GUCY1A2: variants seen among roughly 807,000 people sequenced by gnomAD.
The protein encoded by GUCY1A2 is guanylate cyclase soluble subunit alpha-2.
In GUCY1A2, 27 loss-of-function variants were observed where a neutral mutation model predicts 63.5. The ratio of observed to expected loss-of-function variants is 0.43; its 90% CI spans 0.31 to 0.59. The LOEUF is 0.59. Among genes scored for constraint, GUCY1A2 ranks in the 20% least tolerant of loss-of-function variants. The pLI, the probability that GUCY1A2 is intolerant of heterozygous loss-of-function variation, is 0.11. For synonymous variants in GUCY1A2, 364 were observed against 343.5 expected (o/e 1.06, Z -0.66); for missense variants, 768 against 913.3 (o/e 0.84, Z 2.05).
Position 106,933,490 on chromosome 11 carries a change from G to T in GUCY1A2, c.1206+5970C>A, listed in dbSNP as rs1007738814. ...GGAGAAAAGGGAACACTTATACGTT[G>T]TTGGTGGGACTATAAATTAGTTCAG... On this transcript the variant is annotated intron_variant, in intron 4 of 7. Transcript: ENST00000526355. 2.0e-5 allele frequency among the ~76,000 whole-genome samples: 3 copies of T among 152,298 alleles called. No homozygotes were observed. The South Asian group carries it at 6.2e-4, about 32-fold the overall frequency.
At position 106,676,660 on chromosome 11, in the gene GUCY1A2, T is replaced by C. The variant is rs1565253692; in HGVS notation, c.*10889A>G. On this transcript the variant is annotated 3_prime_UTR_variant, in exon 8 of 8. Coordinates refer to ENST00000526355, the MANE Select transcript of GUCY1A2 (RefSeq NM_000855.3). ...AGACAGTGCATCAGTTATCTCTAGA[T>C]AAAGAGCCAGTAAAATCAAGTTGCA... 1 of 191,400 alleles carries C rather than the reference T, an allele frequency of 5.2e-6. No individual in the cohort carries two copies. The highest frequency in any genetic ancestry group is 2.3e-5 in the African/African-American group (1 of 43,016). The allele number at this position is 191,400 out of a possible 1,614,324, so 11.9% of individuals were successfully genotyped here.
In GUCY1A2 at chr11:106,683,232, T is replaced by C. The variant is rs1470659738; in HGVS notation, c.*4317A>G. ...TATAGAAGCCTCTGAAATGACATAA[T>C]TTTTGTAGCTGAAGGTCTATAATCT... On this transcript the variant is annotated 3_prime_UTR_variant, in exon 8 of 8. Transcript: ENST00000526355. 1 of 216,430 alleles carries C rather than the reference T, an allele frequency of 4.6e-6. No individual in the cohort carries two copies. The highest frequency in any genetic ancestry group is 2.3e-5 in the African/African-American group (1 of 44,428). The allele number at this position is 216,430 out of a possible 1,614,324, so 13.4% of individuals were successfully genotyped here. A position where few individuals can be genotyped will look rare whatever the true frequency, so the allele number is the denominator to read the frequency against.
At chr11:106,829,020 A>T (rs1009098537) in intron 4 of GUCY1A2, among the ~76,000 whole-genome samples, 1 of 152,208 alleles carries the variant, frequency 6.6e-6, no homozygotes, top group African/African-American at 2.4e-5. Flanking sequence ...GAATTATATG[A>T]TTGCTTTGTT....
rs1862475421 is a variant in GUCY1A2 at position 106,683,873 on chromosome 11, A to T, written c.*3676T>A. ...GATGCCTTACGACTTTAGATACACA[A>T]TTTCATTCAGCAGCAGTATGATTCT... On this transcript the variant is annotated 3_prime_UTR_variant, in exon 8 of 8. Transcript: ENST00000526355. 3 of 204,200 alleles carry T rather than the reference A, an allele frequency of 1.5e-5. No individual in the cohort carries two copies. In the South Asian group the frequency reaches 5.7e-4, roughly 39 times the overall value. The allele number at this position is 204,200 out of a possible 1,614,324, so 12.6% of individuals were successfully genotyped here.
chr11:106,764,953 T>A (rs1291599422), intron 6 of GUCY1A2, among the ~76,000 whole-genome samples: 2 of 110,578 alleles, frequency 1.8e-5, no homozygotes, highest in South Asian at 7.4e-4. Context: ...TAACGAAACT[T>A]ACTTTGCAGA....
chr11:106,990,638 C>G (rs1190213528), intron 1 of GUCY1A2, among the ~76,000 whole-genome samples: 1 of 152,224 alleles, frequency 6.6e-6, no homozygotes, highest in African/African-American at 2.4e-5. Context: ...TGTCATCGCA[C>G]AAAATACATG....
rs934244777 is a variant in GUCY1A2, at chr11:107,018,177, G to A, written c.-122C>T. 2.4e-6 allele frequency: 1 copy of A among 422,972 alleles called. No individual in the cohort carries two copies. The highest frequency in any genetic ancestry group is 5.4e-5 in the Admixed American group (1 of 18,458). 26.2% of individuals were successfully genotyped at this position (422,972 alleles called of 1,614,324 possible). A position where few individuals can be genotyped will look rare whatever the true frequency, so the allele number is the denominator to read the frequency against. On this transcript the variant is annotated 5_prime_UTR_variant, in exon 1 of 8. Transcript: ENST00000526355. ...CGCGTCGGGGCCGCGGGGCGCTGCG[G>A]TCGCGCCCGGCGGGGCGGGAGTCCC... is the stretch of plus-strand genomic sequence containing the variant.
intron 5 of GUCY1A2, among the ~76,000 whole-genome samples, chr11:106,798,195 C>T (rs1864802065): frequency 6.6e-6 from 1 of 151,930 alleles, no homozygotes; most frequent in Non-Finnish European, 1.5e-5. Context: ...ACACATACAC[C>T]CTCCCAAGAC....
chr11:107,008,278 C>CAAAAAAAAA (rs60060457), intron 1 of GUCY1A2, among the ~76,000 whole-genome samples: 1 of 95,484 alleles, frequency 1.0e-5, no homozygotes. Flanking sequence ...GACTCCATCT[C>CAAAAAAAAA]AAAAAAAAAA....
At position 106,708,639 on chromosome 11, in the gene GUCY1A2, C is replaced by T. The variant is rs1054998865; in HGVS notation, c.1864G>A (p.Val622Met). ...QMRIGIHSGS[V>M]LAGVVGVRMP... ...CGCACCCCAACAACTCCAGCCAGCA[C>T]GGAGCCTGAGTGAATTCCTATCCTC... is the stretch of plus-strand genomic sequence containing the variant. The change falls in exon 7 of 8, where the codon GTG (valine) becomes ATG (methionine). Residue 622 changes from valine to methionine, a missense_variant. By Grantham distance (21) the Val-to-Met change is conservative (BLOSUM62 1). Around this residue, in one of 3 missense-constraint regions of GUCY1A2, gnomAD observed 150 missense variants for 188.3 expected, o/e 0.80. Transcript: ENST00000526355. The T allele has an allele frequency of 3.1e-6, 5 of 1,608,078 alleles. No homozygotes were observed. The highest frequency in any genetic ancestry group is 1.3e-5 in the African/African-American group (1 of 74,428).
chr11:106,906,175 A>C (rs1351568907), intron 4 of GUCY1A2, among the ~76,000 whole-genome samples: 1 of 152,160 alleles, frequency 6.6e-6, no homozygotes, highest in African/African-American at 2.4e-5. Context: ...AATGGGAGAA[A>C]ATTTTTGCAA....
intron 1 of GUCY1A2, among the ~76,000 whole-genome samples, chr11:106,996,073 C>G (rs1332011251): frequency 1.3e-5 from 2 of 152,176 alleles, no homozygotes; most frequent in African/African-American, 4.8e-5. Context: ...ACCCTAAATG[C>G]ACTAACTCGA....
intron 6 of GUCY1A2, among the ~76,000 whole-genome samples, chr11:106,761,022 TATA>T (rs1864057359): frequency 6.6e-6 from 1 of 152,150 alleles, no homozygotes; most frequent in Non-Finnish European, 1.5e-5. Context: ...ACCTCTTTCA[TATA>T]ATAACCTCAA....
chr11:106,843,821 T>C (rs1169155192), intron 4 of GUCY1A2, among the ~76,000 whole-genome samples: 1 of 151,862 alleles, frequency 6.6e-6, no homozygotes, highest in African/African-American at 2.4e-5. Flanking sequence ...CTTGTCTCCT[T>C]CCTATCCTTA....
intron 4 of GUCY1A2, among the ~76,000 whole-genome samples, chr11:106,860,153 T>C (rs1245706729): frequency 2.6e-5 from 4 of 151,976 alleles, no homozygotes; most frequent in Non-Finnish European, 5.9e-5. Context: ...TACCAAAATA[T>C]GTTTCAGTTT....
intron 4 of GUCY1A2, among the ~76,000 whole-genome samples, chr11:106,813,188 GAT>G (rs1225376673): frequency 6.6e-6 from 1 of 151,904 alleles, no homozygotes; most frequent in Non-Finnish European, 1.5e-5. Context: ...GTTTCAATGA[GAT>G]AGCACAGAAG....
rs200165244 is a variant in GUCY1A2, at chr11:106,706,656, C to CTT, written c.1991+1854_1991+1855dup. Among the ~76,000 whole-genome samples, 146 of 137,730 alleles carry CTT rather than the reference C, an allele frequency of 1.1e-3. 1 individual carries two copies. The highest frequency in any genetic ancestry group is 1.3e-3 in the Non-Finnish European group (85 of 63,568). The allele number at this position is 137,730 out of a possible 152,430, so 90.4% of individuals were successfully genotyped here. ...AGGTTGGGCCCATTCTTTTACACAT[C>CTT]TTTTTTTTTTTTTTTTAAGTGAAGT... is the stretch of plus-strand genomic sequence containing the variant. On this transcript the variant is annotated intron_variant, in intron 7 of 7. Transcript: ENST00000526355.
chr11:106,950,075 A>G (rs933960619), intron 3 of GUCY1A2, among the ~76,000 whole-genome samples: 2 of 152,238 alleles, frequency 1.3e-5, no homozygotes, highest in Non-Finnish European at 1.5e-5. Context: ...AAGTTATGCC[A>G]AATGACTAAT....
intron 4 of GUCY1A2, among the ~76,000 whole-genome samples, chr11:106,920,492 T>C (rs995846920): frequency 6.6e-6 from 1 of 152,162 alleles, no homozygotes; most frequent in Non-Finnish European, 1.5e-5. Flanking sequence ...TATAATACAT[T>C]AACATGGGTG....
Sources: allele counts gnomAD v4.1 joint callset (sites outside exome capture counted in the v4.1 genomes callset), GRCh38; gene constraint gnomAD v4.1.1; regional missense constraint gnomAD v4.1.1; transcripts MANE v1.5; gene names NCBI Gene and HGNC (gene_info 2026-07-23, HGNC 2026-07-21).